The following KCNH1 variants were observed in gnomAD, a reference collection of about 807,000 sequenced individuals.
The protein encoded by KCNH1 is potassium voltage-gated channel subfamily H member 1, also known as voltage-gated delayed rectifier potassium channel KCNH1.
Under a neutral mutation model 69.2 loss-of-function variants are expected in KCNH1, and 27 were observed. The observed-to-expected ratio is 0.39, with a 90% CI of 0.29 to 0.54. The LOEUF is 0.54. KCNH1 is among the 20% of genes least tolerant of loss of function. The pLI, the probability that KCNH1 is intolerant of heterozygous loss-of-function variation, is 0.68. For synonymous variants in KCNH1, 456 were observed against 487.7 expected (o/e 0.93, Z 0.86); for missense variants, 798 against 1,261.6 (o/e 0.63, Z 5.57).
At chr1:210,812,346 A>T (rs568630382) in intron 7 of KCNH1, among the ~76,000 whole-genome samples, 1 of 152,174 alleles carries the variant, frequency 6.6e-6, no homozygotes, top group Admixed American at 6.6e-5. Flanking sequence ...CTTCAACTCT[A>T]CTACTCTTAC....
intron 3 of KCNH1, among the ~76,000 whole-genome samples, chr1:211,098,984 T>C (rs1230117887): frequency 6.6e-6 from 1 of 152,184 alleles, no homozygotes; most frequent in Non-Finnish European, 1.5e-5. Flanking sequence ...ACAGCAATTC[T>C]CAACTTCTAG....
intron 10 of KCNH1, among the ~76,000 whole-genome samples, chr1:210,728,868 C>T (rs980723475): frequency 8.5e-5 from 13 of 152,230 alleles, no homozygotes; most frequent in African/African-American, 3.1e-4. Flanking sequence ...GCATGCTGCT[C>T]TTCTCTGACC....
intron 10 of KCNH1, among the ~76,000 whole-genome samples, chr1:210,710,768 T>TCTGCACACCCCTGC (rs140357807): frequency 0.17 from 25,004 of 150,150 alleles, 4,848 homozygotes; most frequent in African/African-American, 0.46. Context: ...CACCCGCTGC[T>TCTGCACACCCCTGC]CTGCACAGAC....
chr1:211,095,459 A>G (rs144519706), intron 3 of KCNH1, among the ~76,000 whole-genome samples: 11 of 152,244 alleles, frequency 7.2e-5, no homozygotes, highest in Non-Finnish European at 1.2e-4. Context: ...TTCATCCCTT[A>G]TGTAGCTCCC....
intron 9 of KCNH1, 127 bp downstream of exon 9, chr1:210,797,381 A>T: frequency 1.0e-6 from 1 of 1,002,932 alleles, no homozygotes; most frequent in Non-Finnish European, 1.5e-6. Flanking sequence ...TGGATAGATA[A>T]GTGAATATTA....
At chr1:211,100,202 C>T (rs1012545142) in intron 3 of KCNH1, among the ~76,000 whole-genome samples, 2 of 152,020 alleles carry the variant, frequency 1.3e-5, no homozygotes, top group Non-Finnish European at 2.9e-5. Flanking sequence ...GACATACTTA[C>T]CCTGCTTAAA....
intron 10 of KCNH1, among the ~76,000 whole-genome samples, chr1:210,740,731 T>TTTTTTTTTTTTTTTTTTG (rs1558449289): frequency 1.7e-5 from 2 of 119,502 alleles, no homozygotes; most frequent in African/African-American, 7.1e-5. Flanking sequence ...TTTTTTTTTT[T>TTTTTTTTTTTTTTTTTTG]TACTAAAAGA....
At chr1:211,131,352 C>T (rs1691872977) in intron 1 of KCNH1, among the ~76,000 whole-genome samples, 1 of 152,012 alleles carries the variant, frequency 6.6e-6, no homozygotes, top group African/African-American at 2.4e-5. Context: ...AATTATAATG[C>T]TGAGAGAAGG....
At chr1:210,714,507 GGA>G (rs1682172174) in intron 10 of KCNH1, among the ~76,000 whole-genome samples, 2 of 152,168 alleles carry the variant, frequency 1.3e-5, no homozygotes, top group African/African-American at 4.8e-5. Context: ...GGGTTGTGGA[GGA>G]CTGAACACAA....
At chr1:211,047,254 T>A (rs1690108869) in intron 5 of KCNH1, among the ~76,000 whole-genome samples, 1 of 152,150 alleles carries the variant, frequency 6.6e-6, no homozygotes, top group African/African-American at 2.4e-5. Flanking sequence ...CACACGAATA[T>A]CCTGAACTAA....
At chr1:210,913,710 T>C (rs965928061) in intron 7 of KCNH1, among the ~76,000 whole-genome samples, 1 of 152,216 alleles carries the variant, frequency 6.6e-6, no homozygotes, top group Non-Finnish European at 1.5e-5. Context: ...AATAAGACTA[T>C]GGGGAGAAGA....
chr1:210,925,405 A>G (rs1687551691), intron 6 of KCNH1, among the ~76,000 whole-genome samples: 1 of 152,214 alleles, frequency 6.6e-6, no homozygotes, highest in African/African-American at 2.4e-5. Context: ...TCACTGCTAC[A>G]GGCTCCTTGA....
At chr1:210,818,383 C>T (rs1245592354) in intron 7 of KCNH1, among the ~76,000 whole-genome samples, 7 of 152,146 alleles carry the variant, frequency 4.6e-5, no homozygotes, top group Admixed American at 4.6e-4. Flanking sequence ...CCATTACCCA[C>T]ATCATGAATC....
chr1:210,909,394 C>A (rs1434761324), intron 7 of KCNH1, among the ~76,000 whole-genome samples: 1 of 152,204 alleles, frequency 6.6e-6, no homozygotes, highest in Non-Finnish European at 1.5e-5. Flanking sequence ...AATGAACAAA[C>A]AACACACACA....
chr1:211,085,265 G>A (rs1690932591), intron 4 of KCNH1, among the ~76,000 whole-genome samples: 1 of 152,152 alleles, frequency 6.6e-6, no homozygotes. Flanking sequence ...GTGGGAGGGG[G>A]ATGCCAGGTG....
chr1:211,115,453 C>G (rs933878124), intron 1 of KCNH1, among the ~76,000 whole-genome samples: 2 of 151,988 alleles, frequency 1.3e-5, no homozygotes, highest in Non-Finnish European at 2.9e-5. Context: ...CAGACCCACC[C>G]TTAATCTGGT....
chr1:210,935,329 A>C (rs1348751045), intron 6 of KCNH1, among the ~76,000 whole-genome samples: 1 of 152,164 alleles, frequency 6.6e-6, no homozygotes, highest in Non-Finnish European at 1.5e-5. Flanking sequence ...TTCTCATAGA[A>C]GTAGAGAGCA....
chr1:210,697,988 T>G (rs972187098), intron 10 of KCNH1, among the ~76,000 whole-genome samples: 1 of 152,244 alleles, frequency 6.6e-6, no homozygotes, highest in Non-Finnish European at 1.5e-5. Context: ...TCATTGTAGG[T>G]ATATGGATAG....
chr1:211,098,856 T>C (rs1356491274), intron 3 of KCNH1, among the ~76,000 whole-genome samples: 1 of 152,224 alleles, frequency 6.6e-6, no homozygotes, highest in Admixed American at 6.5e-5. Context: ...TATTCAATGC[T>C]GGTGAGGCAT....
Sources: gnomAD v4.1 joint callset for allele counts (sites outside exome capture counted in the v4.1 genomes callset) on GRCh38, gnomAD v4.1.1 for gene constraint, MANE v1.5 for transcripts, NCBI Gene and HGNC (gene_info 2026-07-23, HGNC 2026-07-21) for gene names.